The following PEAK1 variants were observed in gnomAD, a reference collection of about 807,000 sequenced individuals.
PEAK1 encodes pseudopodium enriched atypical kinase 1.
A neutral mutation model predicts 124.7 loss-of-function variants in PEAK1; 54 were observed. The ratio of observed to expected loss-of-function variants is 0.43; its 90% confidence interval spans 0.35 to 0.54. PEAK1 has a LOEUF of 0.54. PEAK1 is among the 20% of genes least tolerant of loss of function. The pLI is 0.01. For missense variants in PEAK1, 2,046 were observed against 2,134.5 expected (o/e 0.96, Z 0.82); for synonymous variants, 719 against 760.0 (o/e 0.95, Z 0.89).
chr15:77,200,542 TAAAC>T (rs1454928893), intron 6 of PEAK1, among the ~76,000 whole-genome samples: 1 of 152,196 alleles, frequency 6.6e-6, no homozygotes, highest in Non-Finnish European at 1.5e-5. Context: ...AGGTACTTTA[TAAAC>T]ATATTAAAGT....
chr15:77,108,184 T>C lies in PEAK1; in HGVS notation c.*5972A>G, dbSNP rs995762327. 1 of 152,172 alleles carries C rather than the reference T, an allele frequency of 6.6e-6. No homozygotes were observed. The highest frequency in any genetic ancestry group is 2.4e-5 in the African/African-American group (1 of 41,426). 9.4% of individuals were successfully genotyped at this position (152,172 alleles called of 1,614,324 possible). On this transcript the variant is annotated 3_prime_UTR_variant, in exon 10 of 10. Transcript: ENST00000682557. ...TTTTTAGTGTGTATTAAAATGAATT[T>C]ATTTACACAGTAACATGATGCCACG... is the stretch of plus-strand genomic sequence containing the variant.
At chr15:77,235,049 C>A (rs1028103827) in intron 6 of PEAK1, among the ~76,000 whole-genome samples, 8 of 152,140 alleles carry the variant, frequency 5.3e-5, no homozygotes, top group African/African-American at 1.9e-4. Context: ...CCTTGCTTCC[C>A]CTTCACCTTC....
chr15:77,376,000 A>AAAATAAATAAAT (rs199883070), intron 1 of PEAK1, among the ~76,000 whole-genome samples: 100 of 145,390 alleles, frequency 6.9e-4, no homozygotes, highest in East Asian at 3.7e-3. Context: ...CTCCGTCTCA[A>AAAATAAATAAAT]AAATAAATAA....
intron 2 of PEAK1, among the ~76,000 whole-genome samples, chr15:77,363,344 A>G (rs1192711800): frequency 2.6e-5 from 4 of 152,182 alleles, no homozygotes; most frequent in Admixed American, 6.5e-5. Flanking sequence ...TAGCCCAGGT[A>G]CCTTCATTCA....
Position 77,180,569 on chromosome 15 carries a change from A to G in PEAK1, c.1358T>C (p.Val453Ala). 1 of 1,613,984 alleles carries G rather than the reference A, an allele frequency of 6.2e-7. No individual in the cohort carries two copies. The highest frequency in any genetic ancestry group is 8.5e-7 in the Non-Finnish European group (1 of 1,179,980). ...AGGTTTTGCTTGCTCTTCTGTGGGG[A>G]CAAGGTTTATGGTTACTGCTTGCCC... is the stretch of plus-strand genomic sequence containing the variant. Reference protein sequence around the residue: ...VAGQAVTINLVPTEEQAKPYR... With the variant: ...VAGQAVTINLAPTEEQAKPYR... Residue 453 changes from valine (V) to alanine (A), a missense_variant, in exon 7 of 10, where the codon GTC becomes GCC. Transcript: ENST00000682557.
rs150844429 is a variant in PEAK1, at chr15:77,193,232, T to C, written c.-114-11192A>G. ...CTATGGATATAGTTATCTGGCAAGA[T>C]TACCTATTCAGGATACAGCTGAAAA... is the stretch of plus-strand genomic sequence containing the variant. On this transcript the variant is annotated intron_variant, in intron 6 of 9. Coordinates refer to ENST00000682557, the MANE Select transcript of PEAK1 (RefSeq NM_001385026.1). Among the ~76,000 whole-genome samples, 455 of 152,344 alleles carry C rather than the reference T, an allele frequency of 3.0e-3. 6 individuals are homozygous for C. Among genetic ancestry groups the C allele is most frequent in the Middle Eastern group, 6.8e-3 (2 of 294 alleles).
chr15:77,387,477 T>A (rs1252530201), intron 1 of PEAK1, among the ~76,000 whole-genome samples: 1 of 152,220 alleles, frequency 6.6e-6, no homozygotes, highest in Non-Finnish European at 1.5e-5. Flanking sequence ...ATAAGGAAAG[T>A]GATTTGCTCA....
chr15:77,311,984 G>A (rs1163503412), intron 2 of PEAK1, among the ~76,000 whole-genome samples: 1 of 152,162 alleles, frequency 6.6e-6, no homozygotes, highest in African/African-American at 2.4e-5. Flanking sequence ...TGAACACTGG[G>A]AGTAGGGATA....
intron 5 of PEAK1, among the ~76,000 whole-genome samples, chr15:77,258,862 T>C (rs540604309): frequency 3.9e-5 from 6 of 152,190 alleles, no homozygotes; most frequent in Admixed American, 6.6e-5. Flanking sequence ...GGCTGTGGGT[T>C]TGTCATAGAT....
intron 6 of PEAK1, among the ~76,000 whole-genome samples, chr15:77,191,407 C>G (rs993770333): frequency 6.6e-6 from 1 of 152,214 alleles, no homozygotes; most frequent in African/African-American, 2.4e-5. Context: ...CACATATCCA[C>G]ACCCCATCTT....
At chr15:77,390,645 G>C (rs968390504) in intron 1 of PEAK1, among the ~76,000 whole-genome samples, 22 of 152,194 alleles carry the variant, frequency 1.4e-4, no homozygotes, top group Non-Finnish European at 1.5e-5. Flanking sequence ...AATATTTACT[G>C]AACATTGGTA....
At chr15:77,279,126 T>C (rs1377069609) in intron 5 of PEAK1, among the ~76,000 whole-genome samples, 1 of 151,888 alleles carries the variant, frequency 6.6e-6, no homozygotes, top group Non-Finnish European at 1.5e-5. Flanking sequence ...TGTGTGTGTG[T>C]GTGTGTGTGT....
At chr15:77,352,869 A>C (rs1000382176) in intron 2 of PEAK1, 1 of 985,418 alleles carries the variant, frequency 1.0e-6, no homozygotes, top group Non-Finnish European at 1.2e-6. Context: ...AAAAAAAGAC[A>C]TTTAGTGAAG....
At chr15:77,283,332 AAC>A (rs2062765778) in intron 5 of PEAK1, among the ~76,000 whole-genome samples, 1 of 152,196 alleles carries the variant, frequency 6.6e-6, no homozygotes, top group South Asian at 2.1e-4. Flanking sequence ...CATCTTAAAA[AAC>A]ACTTTTTAAT....
At chr15:77,309,038 G>A (rs2064271923) in intron 2 of PEAK1, among the ~76,000 whole-genome samples, 1 of 151,962 alleles carries the variant, frequency 6.6e-6, no homozygotes, top group Non-Finnish European at 1.5e-5. Flanking sequence ...GTAAAAGGAG[G>A]AGCATATTCC....
At chr15:77,227,036 C>T (rs1331667766) in intron 6 of PEAK1, among the ~76,000 whole-genome samples, 3 of 152,120 alleles carry the variant, frequency 2.0e-5, no homozygotes, top group Non-Finnish European at 2.9e-5. Context: ...CATCTGTAAT[C>T]TTTATTAAAA....
chr15:77,369,893 T>G (rs985348254), intron 1 of PEAK1, among the ~76,000 whole-genome samples: 4 of 152,108 alleles, frequency 2.6e-5, no homozygotes, highest in African/African-American at 9.7e-5. Context: ...ACCACAACAC[T>G]GGCTCCCTTT....
intron 1 of PEAK1, among the ~76,000 whole-genome samples, chr15:77,384,834 C>T (rs890541882): frequency 3.9e-5 from 6 of 152,278 alleles, no homozygotes; most frequent in African/African-American, 1.4e-4. Context: ...TTACAAGTTG[C>T]TTATGGCTGC....
intron 2 of PEAK1, among the ~76,000 whole-genome samples, chr15:77,301,421 T>C (rs191889732): frequency 4.6e-5 from 7 of 152,304 alleles, no homozygotes; most frequent in Admixed American, 2.0e-4. Flanking sequence ...ACAAATAAGA[T>C]CACGTTCACA....
Sources: gnomAD v4.1 joint callset for allele counts (sites outside exome capture counted in the v4.1 genomes callset) on GRCh38, gnomAD v4.1.1 for gene constraint, MANE v1.5 for transcripts, NCBI Gene and HGNC (gene_info 2026-07-23, HGNC 2026-07-21) for gene names.